Variants in GPC6 observed in about 807,000 individuals in gnomAD.
GPC6 encodes the protein glypican-6.
A neutral mutation model predicts 55.2 loss-of-function variants in GPC6; 14 were observed. The ratio of observed to expected loss-of-function variants is 0.25; its 90% confidence interval spans 0.17 to 0.40. The LOEUF is 0.40. GPC6 is among the 10% of genes least tolerant of loss of function. The probability of loss-of-function intolerance (pLI) is 1.00; values close to 1 mark genes in which losing one functional copy is unlikely to be tolerated. For synonymous variants in GPC6, 278 were observed against 259.6 expected, an observed-to-expected ratio of 1.07 and a Z score of -0.68; for missense variants, 641 against 708.5, an observed-to-expected ratio of 0.90 and a Z score of 1.08.
At chr13:93,229,561 A>G (rs543217891) in intron 1 of GPC6, among the ~76,000 whole-genome samples, 96 of 152,350 alleles carry the variant, frequency 6.3e-4, no homozygotes, top group Non-Finnish European at 1.9e-4. Flanking sequence ...TGTAGTCACC[A>G]TGAATGTTTG....
At chr13:94,069,543 A>C (rs1439300682) in intron 4 of GPC6, among the ~76,000 whole-genome samples, 2 of 152,072 alleles carry the variant, frequency 1.3e-5, no homozygotes, top group Non-Finnish European at 2.9e-5. Flanking sequence ...ACATTGTCAG[A>C]CTGTAAATTT....
At chr13:94,296,154 A>G (rs1026539132) in intron 5 of GPC6, among the ~76,000 whole-genome samples, 1 of 152,202 alleles carries the variant, frequency 6.6e-6, no homozygotes, top group Non-Finnish European at 1.5e-5. Context: ...CATGCTTATG[A>G]TGCATTTATG....
intron 6 of GPC6, among the ~76,000 whole-genome samples, chr13:94,339,493 A>T (rs1877908670): frequency 6.6e-6 from 1 of 152,194 alleles, no homozygotes; most frequent in African/African-American, 2.4e-5. Context: ...AGCCTCAGGA[A>T]ATTTACTGCT....
chr13:93,689,980 C>T (rs1020464829), intron 2 of GPC6, among the ~76,000 whole-genome samples: 3 of 152,078 alleles, frequency 2.0e-5, no homozygotes, highest in Admixed American at 2.0e-4. Context: ...ATGAGACCTA[C>T]AGATCTGTAG....
At chr13:94,356,562 T>C (rs1878805918) in intron 6 of GPC6, among the ~76,000 whole-genome samples, 1 of 152,234 alleles carries the variant, frequency 6.6e-6, no homozygotes, top group Admixed American at 6.5e-5. Context: ...CTCGCTTCTC[T>C]AATTTACTTT....
At chr13:93,985,473 A>G (rs1038009397) in intron 3 of GPC6, among the ~76,000 whole-genome samples, 2 of 151,442 alleles carry the variant, frequency 1.3e-5, no homozygotes, top group African/African-American at 2.4e-5. Flanking sequence ...GAAAGAGGGC[A>G]ACAAAGCGAC....
chr13:93,392,084 G>A (rs1357178602), intron 1 of GPC6, among the ~76,000 whole-genome samples: 1 of 152,102 alleles, frequency 6.6e-6, no homozygotes, highest in Non-Finnish European at 1.5e-5. Context: ...CTTACATATA[G>A]GAGGCTTAGG....
intron 1 of GPC6, among the ~76,000 whole-genome samples, chr13:93,409,609 G>A (rs1876422221): frequency 1.3e-5 from 2 of 152,144 alleles, no homozygotes; most frequent in East Asian, 1.9e-4. Flanking sequence ...TTGCCTTGTG[G>A]CCTGGAACCT....
intron 2 of GPC6, among the ~76,000 whole-genome samples, chr13:93,667,979 C>CA (rs1180885635): frequency 6.6e-6 from 1 of 152,064 alleles, no homozygotes; most frequent in Non-Finnish European, 1.5e-5. Context: ...ATGATAGACA[C>CA]CGTGGGCTAT....
chr13:93,377,941 G>T (rs1409645187), intron 1 of GPC6, among the ~76,000 whole-genome samples: 1 of 152,152 alleles, frequency 6.6e-6, no homozygotes, highest in Non-Finnish European at 1.5e-5. Context: ...AAGTAAATCG[G>T]TTGTATTTTC....
rs551838399 is a variant in GPC6, at chr13:93,658,513, T to C, written c.319+113092T>C. 4.1e-4 allele frequency among the ~76,000 whole-genome samples: 62 copies of C among 152,020 alleles called. 1 individual carries two copies. The highest frequency in any genetic ancestry group is 6.9e-4 in the Non-Finnish European group (47 of 67,802). On this transcript the variant is annotated intron_variant, in intron 2 of 8. Transcript: ENST00000377047. ...TTACCAGAAATTTGTATTTCCAGCTTTCCAGTGTTTGGTCATGTCACTCTT... is the reference window on the plus strand; with the variant it reads ...TTACCAGAAATTTGTATTTCCAGCTCTCCAGTGTTTGGTCATGTCACTCTT...
chr13:93,889,921 A>G (rs1439175867), intron 3 of GPC6, among the ~76,000 whole-genome samples: 1 of 152,138 alleles, frequency 6.6e-6, no homozygotes, highest in Non-Finnish European at 1.5e-5. Flanking sequence ...AGGAACCAGT[A>G]ATGCAGTGAC....
intron 4 of GPC6, among the ~76,000 whole-genome samples, chr13:94,223,898 C>T (rs926421518): frequency 2.0e-5 from 3 of 152,138 alleles, no homozygotes; most frequent in Non-Finnish European, 2.9e-5. Context: ...CTGACTTGCA[C>T]AGAGCAGTGC....
intron 1 of GPC6, among the ~76,000 whole-genome samples, chr13:93,253,014 C>T (rs560566689): frequency 6.6e-6 from 1 of 152,194 alleles, no homozygotes; most frequent in African/African-American, 2.4e-5. Flanking sequence ...ATTTTGTTGC[C>T]TTTATATTGT....
intron 3 of GPC6, among the ~76,000 whole-genome samples, chr13:93,946,104 A>G (rs1366690240): frequency 6.6e-6 from 1 of 152,186 alleles, no homozygotes; most frequent in East Asian, 1.9e-4. Context: ...TCCACAGTAT[A>G]ATACTTCTAT....
rs67016286 is a variant in GPC6 at position 94,144,547 on chromosome 13, A to ATGTG, written c.877+116677_877+116680dup. 1.1e-3 allele frequency among the ~76,000 whole-genome samples: 158 copies of ATGTG among 148,432 alleles called. 1 individual carries two copies. Among genetic ancestry groups the ATGTG allele is most frequent in the Middle Eastern group, 6.9e-3 (2 of 290 alleles). On this transcript the variant is annotated intron_variant, in intron 4 of 8. Coordinates refer to ENST00000377047, the MANE Select transcript of GPC6 (RefSeq NM_005708.5). The stretch of plus-strand genomic sequence containing the variant: ...GATCATTCTTTGGGAGTGTGTGTGT[A>ATGTG]TGTGTGTGTGTGTGTGTGTGTGTGT...
intron 2 of GPC6, among the ~76,000 whole-genome samples, chr13:93,564,622 T>C (rs1339881287): frequency 3.3e-5 from 5 of 152,188 alleles, no homozygotes; most frequent in Admixed American, 1.3e-4. Context: ...TCAAAACCAA[T>C]GTTAAAGCAC....
At chr13:94,114,421 G>T (rs892438957) in intron 4 of GPC6, among the ~76,000 whole-genome samples, 1 of 152,080 alleles carries the variant, frequency 6.6e-6, no homozygotes, top group Non-Finnish European at 1.5e-5. Flanking sequence ...AAGCAGGCGG[G>T]GGTATATTCA....
chr13:93,610,963 G>A (rs371383094), intron 2 of GPC6, among the ~76,000 whole-genome samples: 10 of 151,984 alleles, frequency 6.6e-5, no homozygotes, highest in Non-Finnish European at 1.2e-4. Flanking sequence ...AATTTATGAC[G>A]ATTCCCATAC....
Sources: allele counts gnomAD v4.1 joint callset (sites outside exome capture counted in the v4.1 genomes callset), GRCh38; gene constraint gnomAD v4.1.1; transcripts MANE v1.5; gene names NCBI Gene and HGNC (gene_info 2026-07-23, HGNC 2026-07-21).